Variants in CALM2 observed in about 807,000 individuals in gnomAD.
CALM2 encodes the protein calmodulin-2.
Under a neutral mutation model 19.8 loss-of-function variants are expected in CALM2, and 2 were observed. The ratio of observed to expected loss-of-function variants is 0.10; its 90% CI spans 0.04 to 0.32. The LOEUF (loss-of-function observed/expected upper bound fraction) is 0.32. CALM2 is among the 10% of genes least tolerant of loss of function. The pLI, the probability that CALM2 is intolerant of heterozygous loss-of-function variation, is 1.00. For synonymous variants in CALM2, 51 were observed against 52.1 expected (o/e 0.98, Z 0.09); for missense variants, 38 against 178.7 (o/e 0.21, Z 4.49).
At position 47,160,953 on chromosome 2, in the gene CALM2, G is replaced by GT. The variant is rs1238498950; in HGVS notation, c.422-150dup. The GT allele has an allele frequency of 9.4e-6, 5 of 533,522 alleles. No individual in the cohort carries two copies. In the African/African-American group the frequency reaches 9.9e-5, roughly 11 times the overall value. 33.0% of individuals were successfully genotyped at this position (533,522 alleles called of 1,614,324 possible). A position where few individuals can be genotyped will look rare whatever the true frequency, so the allele number is the denominator to read the frequency against. ...TACCATTAAGTACAGAGGGAAGCTA[G>GT]TTTATTGCCCAGGCTGGAACTTCAT... is the stretch of plus-strand genomic sequence containing the variant. On this transcript the variant is annotated intron_variant, in intron 5 of 5. Transcript: ENST00000272298.
At chr2:47,176,876 CG>C, upstream of CALM2, 1 of 985,406 alleles carries the variant, frequency 1.0e-6, no homozygotes, top group Non-Finnish European at 1.2e-6. Flanking sequence ...GACTCGCAGC[CG>C]CCGCCGGGAC....
At chr2:47,164,174 C>A (rs1471592989) in intron 2 of CALM2, among the ~76,000 whole-genome samples, 7 of 148,590 alleles carry the variant, frequency 4.7e-5, no homozygotes, top group Non-Finnish European at 1.0e-4. Context: ...GGAGGCAGAG[C>A]TTGCAGTGAG....
At chr2:47,160,847 GACCA>G in intron 5 of CALM2, 43 bp from the exon 6 acceptor site, 2 of 282,410 alleles carry the variant, frequency 7.1e-6, no homozygotes, top group Non-Finnish European at 1.0e-5. Context: ...AATAGCAAAA[GACCA>G]AAAAAAAAAA....
chr2:47,162,922 T>A, intron 2 of CALM2: 1 of 315,040 alleles, frequency 3.2e-6, no homozygotes. Context: ...TACCTTATGA[T>A]AATATTTCAA....
chr2:47,161,660 A>C, intron 5 of CALM2, 63 bp downstream of exon 5: 1 of 1,504,738 alleles, frequency 6.6e-7, no homozygotes, highest in Non-Finnish European at 9.0e-7. Flanking sequence ...TCAGTTCCCT[A>C]ACAAAGAGCC....
intron 1 of CALM2, among the ~76,000 whole-genome samples, chr2:47,176,038 T>A (rs887129806): frequency 2.0e-5 from 3 of 152,092 alleles, no homozygotes; most frequent in Non-Finnish European, 2.9e-5. Flanking sequence ...TAACCGTCGG[T>A]CGGGTGGATT....
chr2:47,161,177 T>C (rs1291447092), intron 5 of CALM2, among the ~76,000 whole-genome samples: 1 of 152,212 alleles, frequency 6.6e-6, no homozygotes, highest in Admixed American at 6.5e-5. Flanking sequence ...CTAAGTTAAG[T>C]AGTTACATCA....
At position 47,173,889 on chromosome 2, in the gene CALM2, C is replaced by G. The variant is rs531413305; in HGVS notation, c.3+2552G>C. 1.2e-4 allele frequency: 19 copies of G among 152,330 alleles called. 1 individual carries two copies. The highest frequency in any genetic ancestry group is 1.2e-3 in the Admixed American group (19 of 15,302). The allele number at this position is 152,330 out of a possible 1,614,324, so 9.4% of individuals were successfully genotyped here. ...ACCTAATTCTGAAGAATAGTACTTACATAGCATCTCTCACCAAAAGATCAC... is the reference window on the plus strand; with the variant it reads ...ACCTAATTCTGAAGAATAGTACTTAGATAGCATCTCTCACCAAAAGATCAC... On this transcript the variant is annotated intron_variant, in intron 1 of 5. Coordinates refer to ENST00000272298, the MANE Select transcript of CALM2 (RefSeq NM_001743.6).
chr2:47,166,804 A>G (rs933717122), intron 2 of CALM2, among the ~76,000 whole-genome samples: 1 of 152,188 alleles, frequency 6.6e-6, no homozygotes, highest in Non-Finnish European at 1.5e-5. Flanking sequence ...GTCAAAACCT[A>G]AACACACAAT....
intron 2 of CALM2, chr2:47,167,692 T>C (rs1436057056): frequency 1.3e-4 from 1 of 7,988 alleles, no homozygotes; most frequent in Non-Finnish European, 2.3e-4. Flanking sequence ...AAGCTCCGTC[T>C]CAAAAAAAAA....
At chr2:47,174,410 G>A (rs531173221) in intron 1 of CALM2, among the ~76,000 whole-genome samples, 2 of 152,142 alleles carry the variant, frequency 1.3e-5, no homozygotes, top group South Asian at 4.1e-4. Context: ...AGGCCATTAT[G>A]TCCGGCTAAT....
At chr2:47,175,081 GT>G (rs563702873) in intron 1 of CALM2, among the ~76,000 whole-genome samples, 4,978 of 77,934 alleles carry the variant, frequency 0.064, 191 homozygotes, top group Admixed American at 0.085. Context: ...CTCATTAGGT[GT>G]TTTTTTTTTT....
At chr2:47,176,159 C>T in intron 1 of CALM2, 1 of 496,870 alleles carries the variant, frequency 2.0e-6, no homozygotes, top group South Asian at 3.1e-5. Flanking sequence ...GTCCCTCATC[C>T]CGGACCCATC....
At chr2:47,176,828 C>G, upstream of CALM2, 1 of 985,446 alleles carries the variant, frequency 1.0e-6, no homozygotes, top group Non-Finnish European at 1.2e-6. Context: ...TTGAGCCTGC[C>G]TCTGATTGGC....
chr2:47,172,366 C>T, intron 1 of CALM2: 1 of 501,378 alleles, frequency 2.0e-6, no homozygotes, highest in Non-Finnish European at 3.9e-6. Flanking sequence ...ACGTGGTACT[C>T]CTCCTCTCAG....
At position 47,176,487 on chromosome 2, in the gene CALM2, T is replaced by G. The variant is rs747307824; in HGVS notation, c.-44A>C. On this transcript the variant is annotated 5_prime_UTR_variant, in exon 1 of 6. Transcript: ENST00000272298. ...TTCCGAGACGCGACCACACAACCAC[T>G]CAGCTCGCTCTCTCCACTCGGACTA... The G allele has an allele frequency of 6.2e-7, 1 of 1,612,328 alleles. No homozygotes were observed. The highest frequency in any genetic ancestry group is 1.1e-5 in the South Asian group (1 of 90,758).
chr2:47,176,912 C>G (rs1666895656), upstream of CALM2: 2 of 985,286 alleles, frequency 2.0e-6, no homozygotes, highest in African/African-American at 1.7e-5. Context: ...GCCGTTGCTG[C>G]TCGGGCCGCG....
chr2:47,160,786 G>A lies in CALM2; in HGVS notation c.440C>T (p.Thr147Ile). 6.8e-7 allele frequency: 1 copy of A among 1,481,394 alleles called. No individual in the cohort carries two copies. 91.8% of individuals were successfully genotyped at this position (1,481,394 alleles called of 1,614,324 possible). A position where few individuals can be genotyped will look rare whatever the true frequency, so the allele number is the denominator to read the frequency against. ...TTCTGTACAAGGTCTTCACTTTGCT[G>A]TCATCATTTGTACAAACTCTGAAAA... The part of the protein sequence containing the change: ...VNYEEFVQMM[T>I]AK Residue 147 changes from threonine (T) to isoleucine (I), a missense_variant, in exon 6 of 6, where the codon ACA becomes ATA. Transcript: ENST00000272298.
At chr2:47,162,846 A>G (rs1687197999) in intron 2 of CALM2, 184 bp from the exon 3 acceptor site, 7 of 511,362 alleles carry the variant, frequency 1.4e-5, no homozygotes, top group Non-Finnish European at 2.5e-5. Context: ...TTTTAACGGA[A>G]AAATACCAAT....
Sources: gnomAD v4.1 joint callset for allele counts (sites outside exome capture counted in the v4.1 genomes callset) on GRCh38, gnomAD v4.1.1 for gene constraint, MANE v1.5 for transcripts, NCBI Gene and HGNC (gene_info 2026-07-23, HGNC 2026-07-21) for gene names.